LY6G5B: variants seen among roughly 807,000 people sequenced by gnomAD.
LY6G5B encodes the protein lymphocyte antigen 6 complex locus protein G5b.
A neutral mutation model predicts 6.7 loss-of-function variants in LY6G5B; 6 were observed. The ratio of observed to expected loss-of-function variants is 0.89; its 90% CI spans 0.49 to 1.76. LY6G5B has a LOEUF of 1.76. Ranked by LOEUF, LY6G5B falls within the 40% of genes most tolerant of loss-of-function variation. The pLI is 0.01. For synonymous variants in LY6G5B, 98 were observed against 99.4 expected (o/e 0.99, Z 0.09); for missense variants, 240 against 249.5 (o/e 0.96, Z 0.26).
chr6:31,672,618 G>T, exon 3 of LY6G5B: 1 of 282,646 alleles, frequency 3.5e-6, no homozygotes, highest in Admixed American at 4.9e-5. Flanking sequence ...CTAATTTTTT[G>T]TATTTTTAGT....
At chr6:31,670,672 G>T in exon 1 of LY6G5B, 1 of 478,996 alleles carries the variant, frequency 2.1e-6, no homozygotes, top group South Asian at 4.1e-5. Context: ...ACTGGATAAA[G>T]AACCCGGTAG....
intron 2 of LY6G5B, 58 bp from the exon 3 acceptor site, chr6:31,671,806 G>A (rs1802238916): frequency 6.5e-7 from 1 of 1,540,648 alleles, no homozygotes; most frequent in Non-Finnish European, 8.7e-7. Context: ...CAGTAGCAGG[G>A]GTTCTTGGAC....
intron 2 of LY6G5B, 125 bp from the exon 3 acceptor site, chr6:31,671,739 C>A: frequency 8.4e-7 from 1 of 1,186,294 alleles, no homozygotes; most frequent in Non-Finnish European, 1.2e-6. Flanking sequence ...CTTTTCTAGC[C>A]TCTTGAAGGA....
chr6:31,671,334 G>A (rs1802200236), intron 2 of LY6G5B, 50 bp downstream of exon 2: 1 of 1,610,420 alleles, frequency 6.2e-7, no homozygotes, highest in African/African-American at 1.3e-5. Flanking sequence ...CAATGGCTTG[G>A]TCTTCTCTCC....
chr6:31,670,995 C>T (rs1279167542), exon 1 of LY6G5B: 6 of 1,612,410 alleles, frequency 3.7e-6, no homozygotes, highest in Non-Finnish European at 5.1e-6. Flanking sequence ...TGGTGGGCTT[C>T]ACAGTAGGAA....
chr6:31,670,790 A>G, exon 1 of LY6G5B: 3 of 706,576 alleles, frequency 4.2e-6, no homozygotes, highest in East Asian at 5.3e-5. Flanking sequence ...CTTCCCAGCC[A>G]GGATCCTGCC....
exon 3 of LY6G5B, chr6:31,672,396 AC>A: frequency 8.9e-7 from 1 of 1,120,786 alleles, no homozygotes; most frequent in Non-Finnish European, 1.3e-6. Flanking sequence ...CTGTTGTACC[AC>A]TAGCATCTAT....
exon 1 of LY6G5B, chr6:31,670,825 T>A: frequency 1.0e-6 from 1 of 965,520 alleles, no homozygotes. Flanking sequence ...AGCTCTGCAT[T>A]TACAGCAGCT....
chr6:31,672,447 GTTT>G, exon 3 of LY6G5B: 1 of 806,828 alleles, frequency 1.2e-6, no homozygotes, highest in Non-Finnish European at 1.9e-6. Flanking sequence ...CTCTGGTGCT[GTTT>G]TTTTGTTTGT....
At chr6:31,671,831 G>T in intron 2 of LY6G5B, 33 bp from the exon 3 acceptor site, 1 of 1,579,410 alleles carries the variant, frequency 6.3e-7, no homozygotes. Flanking sequence ...GGAAGCTATT[G>T]GAAGGGGTTA....
chr6:31,671,056 A>G (rs891250641), intron 1 of LY6G5B, 48 bp downstream of exon 1: 6 of 1,609,496 alleles, frequency 3.7e-6, no homozygotes, highest in Non-Finnish European at 5.1e-6. Context: ...AACTGAGTCC[A>G]GGAAGGGGGT....
At chr6:31,670,318 C>T (rs567055919) in exon 1 of LY6G5B, 4 of 216,018 alleles carry the variant, frequency 1.9e-5, no homozygotes, top group East Asian at 2.2e-4. Flanking sequence ...ATATCTATGA[C>T]TGTCTGTTTA....
chr6:31,672,379 C>T, exon 3 of LY6G5B: 1 of 1,310,618 alleles, frequency 7.6e-7, no homozygotes, highest in Non-Finnish European at 1.1e-6. Flanking sequence ...ATTTCTTAGG[C>T]CTCCGTCTGT....
At chr6:31,670,753 C>T in exon 1 of LY6G5B, 1 of 584,022 alleles carries the variant, frequency 1.7e-6, no homozygotes, top group Non-Finnish European at 3.0e-6. Flanking sequence ...TGAGGACATG[C>T]TGTCCCTCCT....
At chr6:31,673,117 T>G (rs909615012) in exon 3 of LY6G5B, 1 of 151,898 alleles carries the variant, frequency 6.6e-6, no homozygotes, top group African/African-American at 2.4e-5. Context: ...AATAGAAAAA[T>G]CAGCTGGGTG....
At chr6:31,670,033 G>A (rs1562054298), upstream of LY6G5B, 1 of 868,784 alleles carries the variant, frequency 1.2e-6, no homozygotes, top group Non-Finnish European at 1.7e-6. Flanking sequence ...TCGTTATCGT[G>A]GTGGGAATAT....
rs1583622617 is a variant in LY6G5B at position 31,672,438 on chromosome 6, T to G, written c.*156T>G. ...TTTTGTGTAATTTTCTCTCTTGAAC[T>G]CTGGTGCTGTTTTTTTGTTTGTTTG... On this transcript the variant is annotated 3_prime_UTR_variant, in exon 3 of 3. Transcript: ENST00000375864. The G allele has an allele frequency of 1.6e-5, 14 of 853,506 alleles. No homozygotes were observed. The East Asian group carries it at 3.6e-4, about 22-fold the overall frequency. 52.9% of individuals were successfully genotyped at this position (853,506 alleles called of 1,614,324 possible).
At chr6:31,670,255 A>G in exon 1 of LY6G5B, 1 of 334,196 alleles carries the variant, frequency 3.0e-6, no homozygotes, top group Non-Finnish European at 5.4e-6. Context: ...ATGAAATGCA[A>G]GGTCAAAAGG....
exon 3 of LY6G5B, chr6:31,672,440 T>C: frequency 1.2e-6 from 1 of 847,192 alleles, no homozygotes; most frequent in Non-Finnish European, 1.8e-6. Context: ...TCTTGAACTC[T>C]GGTGCTGTTT....
Sources: gnomAD v4.1 joint callset for allele counts on GRCh38, gnomAD v4.1.1 for gene constraint, MANE v1.5 for transcripts, NCBI Gene and HGNC (gene_info 2026-07-23, HGNC 2026-07-21) for gene names.